Variants in GRIP1 observed in about 807,000 individuals in gnomAD.
The protein encoded by GRIP1 is glutamate receptor interacting protein 1.
Under a neutral mutation model 129.9 loss-of-function variants are expected in GRIP1, and 45 were observed. The ratio of observed to expected loss-of-function variants is 0.35; its 90% CI spans 0.27 to 0.44. The LOEUF (loss-of-function observed/expected upper bound fraction) is 0.44. Among genes scored for constraint, GRIP1 ranks in the 20% least tolerant of loss-of-function variants. GRIP1 has a pLI of 1.00. For synonymous variants in GRIP1, 530 were observed against 520.8 expected (o/e 1.02, Z -0.24); for missense variants, 1,196 against 1,396.8 (o/e 0.86, Z 2.29).
intron 2 of GRIP1, among the ~76,000 whole-genome samples, chr12:66,588,042 A>C (rs2063708341): frequency 1.3e-5 from 2 of 151,958 alleles, no homozygotes; most frequent in South Asian, 4.2e-4. Context: ...TCAGTGAGTC[A>C]AGACTGACTA....
At chr12:66,638,637 T>C (rs1367944096) in intron 1 of GRIP1, among the ~76,000 whole-genome samples, 1 of 152,212 alleles carries the variant, frequency 6.6e-6, no homozygotes, top group Non-Finnish European at 1.5e-5. Flanking sequence ...ACTAATTAGT[T>C]TTTAGTAAGA....
intron 1 of GRIP1, among the ~76,000 whole-genome samples, chr12:66,785,343 C>CATATATATATAT (rs199738180): frequency 0.033 from 2,365 of 72,728 alleles, 172 homozygotes; most frequent in African/African-American, 0.079. Context: ...TACATACATA[C>CATATATATATAT]ATATATATAT....
intron 1 of GRIP1, among the ~76,000 whole-genome samples, chr12:66,651,886 G>A (rs982874595): frequency 6.6e-6 from 1 of 151,812 alleles, no homozygotes; most frequent in African/African-American, 2.4e-5. Context: ...CAAACAGGCT[G>A]CCCAGATCCA....
chr12:66,351,555 G>GTTTTTT (rs1565655525), intron 24 of GRIP1, among the ~76,000 whole-genome samples: 1,922 of 142,870 alleles, frequency 0.013, 55 homozygotes, highest in Admixed American at 0.045. Context: ...ACAGGAAGGT[G>GTTTTTT]GTTTTTTTTT....
chr12:67,021,128 A>G (rs1395755384), intron 1 of GRIP1, among the ~76,000 whole-genome samples: 1 of 152,156 alleles, frequency 6.6e-6, no homozygotes, highest in Non-Finnish European at 1.5e-5. Context: ...AAAATACACA[A>G]TTTGATAAGC....
chr12:66,539,545 C>CGTTTTTT (rs2061708580), intron 3 of GRIP1, among the ~76,000 whole-genome samples: 1 of 59,288 alleles, frequency 1.7e-5, no homozygotes, highest in East Asian at 5.9e-4. Context: ...TCAAGAGAAG[C>CGTTTTTT]TTTTTTTTTT....
At chr12:66,657,009 A>C (rs183880016) in intron 1 of GRIP1, among the ~76,000 whole-genome samples, 143 of 152,296 alleles carry the variant, frequency 9.4e-4, no homozygotes, top group African/African-American at 3.3e-3. Flanking sequence ...GTAATTTACT[A>C]TCAGCAAATA....
intron 1 of GRIP1, among the ~76,000 whole-genome samples, chr12:66,626,094 G>A (rs1033265665): frequency 1.3e-5 from 2 of 152,106 alleles, no homozygotes; most frequent in East Asian, 3.8e-4. Flanking sequence ...GGAGGCCGAC[G>A]TGGGCAGATC....
At chr12:66,703,238 G>A (rs1230564365) in intron 1 of GRIP1, among the ~76,000 whole-genome samples, 6 of 152,206 alleles carry the variant, frequency 3.9e-5, no homozygotes, top group African/African-American at 1.4e-4. Flanking sequence ...GTATGTCTGT[G>A]TGTGCATGCA....
intron 1 of GRIP1, among the ~76,000 whole-genome samples, chr12:66,767,354 A>G (rs1248627507): frequency 6.6e-6 from 1 of 152,148 alleles, no homozygotes; most frequent in Non-Finnish European, 1.5e-5. Flanking sequence ...AGAAGCATCT[A>G]AGGACAAGAG....
chr12:66,978,253 T>TG (rs1378368714), intron 1 of GRIP1, among the ~76,000 whole-genome samples: 1 of 152,168 alleles, frequency 6.6e-6, no homozygotes, highest in Non-Finnish European at 1.5e-5. Flanking sequence ...GTAAAGTGCA[T>TG]AGTCACACAT....
intron 1 of GRIP1, among the ~76,000 whole-genome samples, chr12:66,862,473 A>G (rs761629284): frequency 2.0e-5 from 3 of 152,084 alleles, no homozygotes; most frequent in Non-Finnish European, 2.9e-5. Context: ...CTCTCTGTAG[A>G]CTAGGCCACT....
chr12:66,446,210 T>C (rs2058624749), intron 11 of GRIP1, among the ~76,000 whole-genome samples: 2 of 151,994 alleles, frequency 1.3e-5, no homozygotes, highest in Non-Finnish European at 1.5e-5. Context: ...CTCTTTCATT[T>C]ATCTCTCTGA....
At chr12:66,773,821 T>C (rs962133352) in intron 1 of GRIP1, among the ~76,000 whole-genome samples, 10 of 152,182 alleles carry the variant, frequency 6.6e-5, no homozygotes, top group Non-Finnish European at 1.3e-4. Context: ...TATTAAACTT[T>C]TTGGCATGTC....
At chr12:66,648,631 C>T (rs886106575) in intron 1 of GRIP1, among the ~76,000 whole-genome samples, 12 of 152,128 alleles carry the variant, frequency 7.9e-5, no homozygotes, top group African/African-American at 1.9e-4. Context: ...GTAATGTATT[C>T]GAGTCACCAA....
intron 1 of GRIP1, among the ~76,000 whole-genome samples, chr12:66,992,516 G>A (rs1231591237): frequency 1.3e-5 from 2 of 149,930 alleles, no homozygotes; most frequent in African/African-American, 5.0e-5. Context: ...TACAAAGCTT[G>A]GTAAATCTAT....
intron 9 of GRIP1, among the ~76,000 whole-genome samples, chr12:66,457,939 A>G (rs2059017204): frequency 6.6e-6 from 1 of 152,234 alleles, no homozygotes; most frequent in Non-Finnish European, 1.5e-5. Flanking sequence ...TTAGGCAAAT[A>G]CGGTGCTTAG....
intron 2 of GRIP1, among the ~76,000 whole-genome samples, chr12:66,585,114 T>TA (rs2063571838): frequency 2.0e-5 from 3 of 148,966 alleles, no homozygotes; most frequent in Non-Finnish European, 4.4e-5. Context: ...TCTTTTTTTT[T>TA]ATTATACTTT....
intron 1 of GRIP1, among the ~76,000 whole-genome samples, chr12:66,606,992 GGAGA>G (rs80101645): frequency 0.25 from 37,299 of 149,048 alleles, 4,871 homozygotes; most frequent in African/African-American, 0.35. Flanking sequence ...ATCCTTACTT[GGAGA>G]GAGAGAGAGA....
Sources: allele counts gnomAD v4.1 joint callset (sites outside exome capture counted in the v4.1 genomes callset), GRCh38; gene constraint gnomAD v4.1.1; transcripts MANE v1.5; gene names NCBI Gene and HGNC (gene_info 2026-07-23, HGNC 2026-07-21).